Variants in ANO3 observed in about 807,000 individuals in gnomAD.
ANO3 encodes anoctamin 3, also known as anoctamin-3.
ANO3 carries 99 observed loss-of-function variants against 144.8 expected under a neutral mutation model. That is an observed-to-expected ratio of 0.68 (90% CI 0.58 to 0.81). The LOEUF is 0.81. Among genes scored for constraint, ANO3 ranks in the 30% least tolerant of loss-of-function variants. The pLI, the probability that ANO3 is intolerant of heterozygous loss-of-function variation, is 0.00. For synonymous variants in ANO3, 414 were observed against 392.6 expected, an observed-to-expected ratio of 1.05 and a Z score of -0.64; for missense variants, 905 against 1,202.2, an observed-to-expected ratio of 0.75 and a Z score of 3.66.
At chr11:26,248,204 G>T (rs1373399267) in intron 1 of ANO3, among the ~76,000 whole-genome samples, 1 of 152,066 alleles carries the variant, frequency 6.6e-6, no homozygotes, top group African/African-American at 2.4e-5. Context: ...CAGGTGTGGT[G>T]GCACATGCCT....
intron 17 of ANO3, among the ~76,000 whole-genome samples, chr11:26,611,896 C>T (rs1852109294): frequency 6.6e-6 from 1 of 151,718 alleles, no homozygotes; most frequent in East Asian, 1.9e-4. Flanking sequence ...GACTTAAAGT[C>T]TATTTCATCT....
intron 14 of ANO3, among the ~76,000 whole-genome samples, chr11:26,577,927 T>C (rs147024786): frequency 1.1e-4 from 16 of 152,244 alleles, no homozygotes; most frequent in African/African-American, 2.6e-4. Context: ...ATAATCTGGC[T>C]CAAGAGAATG....
chr11:26,311,677 T>C (rs367738114), intron 1 of ANO3, among the ~76,000 whole-genome samples: 78 of 152,314 alleles, frequency 5.1e-4, no homozygotes, highest in African/African-American at 1.8e-3. Context: ...CTTAGTTTTA[T>C]TGAAAGCCCA....
At chr11:26,651,978 C>T (rs2133085299) in intron 24 of ANO3, among the ~76,000 whole-genome samples, 1 of 152,282 alleles carries the variant, frequency 6.6e-6, no homozygotes, top group East Asian at 1.9e-4. Context: ...CCTTTGATGT[C>T]CTCTTTTCCA....
chr11:26,582,642 C>T (rs1403933546), intron 14 of ANO3, among the ~76,000 whole-genome samples: 1 of 152,164 alleles, frequency 6.6e-6, no homozygotes, highest in East Asian at 1.9e-4. Flanking sequence ...AGAAAACATA[C>T]TTTGGATAGA....
At chr11:26,517,523 A>G (rs998802578) in intron 6 of ANO3, among the ~76,000 whole-genome samples, 2 of 152,020 alleles carry the variant, frequency 1.3e-5, no homozygotes, top group African/African-American at 4.8e-5. Flanking sequence ...ACTTTCCTCC[A>G]TCATTTCTCA....
At chr11:26,234,133 T>A (rs1181487995) in intron 1 of ANO3, among the ~76,000 whole-genome samples, 1 of 152,170 alleles carries the variant, frequency 6.6e-6, no homozygotes, top group East Asian at 1.9e-4. Context: ...CAGTATAACG[T>A]TTGTTTTGGT....
At chr11:26,278,045 ATT>A (rs2133841840) in intron 1 of ANO3, among the ~76,000 whole-genome samples, 1 of 152,156 alleles carries the variant, frequency 6.6e-6, no homozygotes, top group Non-Finnish European at 1.5e-5. Flanking sequence ...ACTCTCCATC[ATT>A]TTAGTATTGA....
intron 1 of ANO3, among the ~76,000 whole-genome samples, chr11:26,204,485 C>G (rs1851758780): frequency 1.3e-5 from 2 of 152,102 alleles, no homozygotes; most frequent in Admixed American, 1.3e-4. Context: ...TATGGGAACT[C>G]CAGGAAATAC....
At chr11:26,587,046 C>G (rs1020323995) in intron 14 of ANO3, among the ~76,000 whole-genome samples, 6 of 152,188 alleles carry the variant, frequency 3.9e-5, no homozygotes, top group African/African-American at 1.4e-4. Context: ...TTCTCATCCT[C>G]TTTTCCTCTG....
intron 4 of ANO3, among the ~76,000 whole-genome samples, chr11:26,467,819 G>A (rs1258478713): frequency 6.6e-6 from 1 of 151,708 alleles, no homozygotes; most frequent in African/African-American, 2.4e-5. Context: ...TTGACAAAAG[G>A]CTTTTTCATC....
chr11:26,400,797 A>T (rs954195832), intron 1 of ANO3, among the ~76,000 whole-genome samples: 1 of 151,504 alleles, frequency 6.6e-6, no homozygotes, highest in African/African-American at 2.4e-5. Context: ...ACATTTTTCA[A>T]TAAGTAATTA....
chr11:26,441,372 C>T (rs1031339965), intron 1 of ANO3, among the ~76,000 whole-genome samples: 1 of 151,352 alleles, frequency 6.6e-6, no homozygotes, highest in African/African-American at 2.4e-5. Flanking sequence ...CCGCCTCGGC[C>T]TCCCAAAGTG....
In ANO3 at chr11:26,383,888, C is replaced by CTTTTTT. The variant is rs61094091; in HGVS notation, c.46+51589_46+51594dup. On this transcript the variant is annotated intron_variant, in intron 1 of 26. Transcript: ENST00000256737. ...CATTGTTCTTGTGCCATGCATTGTT[C>CTTTTTT]TTTTTTTTTTTTTTTTTTTTTTTTT... 2.4e-4 allele frequency among the ~76,000 whole-genome samples: 17 copies of CTTTTTT among 70,170 alleles called. 3 individuals are homozygous for CTTTTTT. Among genetic ancestry groups the CTTTTTT allele is most frequent in the South Asian group, 8.3e-4 (1 of 1,200 alleles). The allele number at this position is 70,170 out of a possible 152,430, so 46.0% of individuals were successfully genotyped here. A position where few individuals can be genotyped will look rare whatever the true frequency, so the allele number is the denominator to read the frequency against.
intron 1 of ANO3, among the ~76,000 whole-genome samples, chr11:26,394,465 G>A (rs1334323824): frequency 2.0e-5 from 3 of 151,544 alleles, no homozygotes; most frequent in Admixed American, 1.3e-4. Context: ...AGCAAAACTG[G>A]TCAAAACTCC....
chr11:26,296,131 G>A (rs1036763871), intron 1 of ANO3, among the ~76,000 whole-genome samples: 1 of 152,192 alleles, frequency 6.6e-6, no homozygotes, highest in African/African-American at 2.4e-5. Flanking sequence ...GCAGTGGACA[G>A]TAAGGTTGCA....
At chr11:26,279,777 C>A (rs1054378246) in intron 1 of ANO3, among the ~76,000 whole-genome samples, 1 of 152,170 alleles carries the variant, frequency 6.6e-6, no homozygotes, top group Non-Finnish European at 1.5e-5. Flanking sequence ...CATCCGGCAA[C>A]TTCAAGACTC....
chr11:26,459,660 G>T (rs576146590), intron 3 of ANO3, among the ~76,000 whole-genome samples: 1 of 151,806 alleles, frequency 6.6e-6, no homozygotes, highest in South Asian at 2.1e-4. Context: ...CCTTAGTGAG[G>T]GGAACAAATA....
intron 4 of ANO3, among the ~76,000 whole-genome samples, chr11:26,480,112 C>T (rs577791935): frequency 1.4e-4 from 22 of 152,278 alleles, no homozygotes; most frequent in Non-Finnish European, 2.6e-4. Context: ...GAGTACAAGT[C>T]TGAGGACAGT....
Sources: gnomAD v4.1 joint callset for allele counts (sites outside exome capture counted in the v4.1 genomes callset) on GRCh38, gnomAD v4.1.1 for gene constraint, MANE v1.5 for transcripts, NCBI Gene and HGNC (gene_info 2026-07-23, HGNC 2026-07-21) for gene names.